The following CAMK2D variants were observed in gnomAD, a reference collection of about 807,000 sequenced individuals.
The protein encoded by CAMK2D is calcium/calmodulin dependent protein kinase II delta.
CAMK2D carries 37 observed loss-of-function variants against 84.0 expected under a neutral mutation model. The ratio of observed to expected loss-of-function variants is 0.44; its 90% confidence interval spans 0.34 to 0.58. The LOEUF is 0.58. Ranked by LOEUF, CAMK2D falls within the 20% of genes least tolerant of loss-of-function variation. The probability of loss-of-function intolerance (pLI) is 0.02; values close to 1 mark genes in which losing one functional copy is unlikely to be tolerated. For missense variants in CAMK2D, 448 were observed against 652.5 expected, an observed-to-expected ratio of 0.69 and a Z score of 3.41; for synonymous variants, 202 against 212.5, an observed-to-expected ratio of 0.95 and a Z score of 0.43.
intron 16 of CAMK2D, among the ~76,000 whole-genome samples, chr4:113,477,417 TTAGA>T (rs2097642907): frequency 6.6e-6 from 1 of 152,162 alleles, no homozygotes; most frequent in Admixed American, 6.6e-5. Context: ...TAAATTCAGC[TTAGA>T]TAATTAATTT....
Position 113,489,386 on chromosome 4 carries a change from G to A in CAMK2D, c.1135+11077C>T, listed in dbSNP as rs555024885. Among the ~76,000 whole-genome samples the A allele has an allele frequency of 6.8e-4, 67 of 98,656 alleles. 1 individual carries two copies. Among genetic ancestry groups the A allele is most frequent in the African/African-American group, 3.9e-3 (55 of 13,972 alleles). The allele number at this position is 98,656 out of a possible 152,430, so 64.7% of individuals were successfully genotyped here. A position where few individuals can be genotyped will look rare whatever the true frequency, so the allele number is the denominator to read the frequency against. The stretch of plus-strand genomic sequence containing the variant: ...TTCCCACCTATGAGTGAGAATATGC[G>A]GTGTTTGGTTTTTTTGTTCTTGCGA... On this transcript the variant is annotated intron_variant, in intron 16 of 20. Transcript: ENST00000511664.
intron 3 of CAMK2D, among the ~76,000 whole-genome samples, chr4:113,615,418 T>A (rs567786662): frequency 6.6e-6 from 1 of 152,142 alleles, no homozygotes; most frequent in Non-Finnish European, 1.5e-5. Context: ...CAACCATTAT[T>A]CTCCTGGCTT....
chr4:113,740,098 T>C (rs77323072), intron 2 of CAMK2D, among the ~76,000 whole-genome samples: 2,199 of 152,262 alleles, frequency 0.014, 49 homozygotes, highest in African/African-American at 0.05. Flanking sequence ...TCTCATAAAA[T>C]GTTTCCTTTG....
At chr4:113,660,539 A>G (rs1438961047) in intron 3 of CAMK2D, among the ~76,000 whole-genome samples, 3 of 152,030 alleles carry the variant, frequency 2.0e-5, no homozygotes, top group Non-Finnish European at 4.4e-5. Flanking sequence ...ATACATGCAC[A>G]CTACCACATC....
chr4:113,535,552 C>T (rs1473209942), intron 7 of CAMK2D, among the ~76,000 whole-genome samples: 1 of 152,138 alleles, frequency 6.6e-6, no homozygotes, highest in Non-Finnish European at 1.5e-5. Flanking sequence ...AATCCAAATC[C>T]TTCAAAAAAA....
intron 2 of CAMK2D, among the ~76,000 whole-genome samples, chr4:113,669,539 A>T (rs148274217): frequency 6.6e-6 from 1 of 152,164 alleles, no homozygotes; most frequent in Non-Finnish European, 1.5e-5. Flanking sequence ...AGATCAAGGA[A>T]GGAGATGGGC....
intron 16 of CAMK2D, among the ~76,000 whole-genome samples, chr4:113,480,022 C>T (rs113088555): frequency 0.022 from 3,341 of 152,144 alleles, 100 homozygotes; most frequent in African/African-American, 0.075. Flanking sequence ...GGTGCAGTGG[C>T]GGGATCTTGG....
At chr4:113,620,448 CCAAA>C (rs764515660) in intron 3 of CAMK2D, among the ~76,000 whole-genome samples, 8 of 151,986 alleles carry the variant, frequency 5.3e-5, no homozygotes, top group East Asian at 1.9e-4. Context: ...TAGGCATTAA[CCAAA>C]CAGTTATTCA....
intron 2 of CAMK2D, among the ~76,000 whole-genome samples, chr4:113,721,923 G>A (rs2099531742): frequency 6.6e-6 from 1 of 152,004 alleles, no homozygotes; most frequent in Admixed American, 6.6e-5. Flanking sequence ...AAACCTATTT[G>A]TTCTTCCCAC....
intron 4 of CAMK2D, among the ~76,000 whole-genome samples, chr4:113,556,972 A>G (rs1201723357): frequency 1.3e-5 from 2 of 152,172 alleles, no homozygotes; most frequent in African/African-American, 2.4e-5. Context: ...TATAAGCACC[A>G]CTTCATGATT....
chr4:113,557,214 A>G (rs940101050), intron 4 of CAMK2D, among the ~76,000 whole-genome samples: 1 of 151,814 alleles, frequency 6.6e-6, no homozygotes, highest in Non-Finnish European at 1.5e-5. Context: ...CTTGCCCCCC[A>G]GCCCCCATAT....
At chr4:113,538,481 C>CA (rs764039757) in intron 6 of CAMK2D, among the ~76,000 whole-genome samples, 26 of 152,020 alleles carry the variant, frequency 1.7e-4, no homozygotes, top group Non-Finnish European at 3.2e-4. Flanking sequence ...GGTTTGGGGA[C>CA]AAAACCCAGC....
intron 16 of CAMK2D, among the ~76,000 whole-genome samples, chr4:113,499,783 T>A (rs1448621357): frequency 6.6e-6 from 1 of 152,152 alleles, no homozygotes; most frequent in Non-Finnish European, 1.5e-5. Context: ...AAACTGCAAA[T>A]GCAATTGATA....
chr4:113,700,877 A>G (rs2099415619), intron 2 of CAMK2D, among the ~76,000 whole-genome samples: 1 of 152,206 alleles, frequency 6.6e-6, no homozygotes, highest in African/African-American at 2.4e-5. Context: ...CTCTTCAGGA[A>G]TAGACTAAGG....
intron 8 of CAMK2D, among the ~76,000 whole-genome samples, chr4:113,525,352 A>C (rs1001168977): frequency 2.0e-5 from 3 of 152,290 alleles, no homozygotes; most frequent in Admixed American, 6.5e-5. Context: ...ATTGTAGAAG[A>C]AGCTCTGTTA....
intron 2 of CAMK2D, among the ~76,000 whole-genome samples, chr4:113,757,761 C>T (rs1481963632): frequency 6.6e-6 from 1 of 152,108 alleles, no homozygotes; most frequent in African/African-American, 2.4e-5. Context: ...AAGATTCCAT[C>T]AGGCCAAAGA....
At chr4:113,736,378 T>C (rs551034176) in intron 2 of CAMK2D, among the ~76,000 whole-genome samples, 3 of 152,230 alleles carry the variant, frequency 2.0e-5, no homozygotes, top group South Asian at 2.1e-4. Flanking sequence ...AAATCAAAAC[T>C]GTGTATATCA....
intron 6 of CAMK2D, among the ~76,000 whole-genome samples, chr4:113,543,123 TTTGAA>T (rs1464393625): frequency 6.6e-6 from 1 of 152,230 alleles, no homozygotes; most frequent in East Asian, 1.9e-4. Flanking sequence ...AACACAGTTA[TTTGAA>T]AAAGCATAGC....
intron 2 of CAMK2D, among the ~76,000 whole-genome samples, chr4:113,712,116 A>G (rs2099495125): frequency 6.6e-6 from 1 of 152,150 alleles, no homozygotes; most frequent in Non-Finnish European, 1.5e-5. Flanking sequence ...TCTAAGTATC[A>G]TTTAGAGATA....
Sources: allele counts gnomAD v4.1 joint callset (sites outside exome capture counted in the v4.1 genomes callset), GRCh38; gene constraint gnomAD v4.1.1; transcripts MANE v1.5; gene names NCBI Gene and HGNC (gene_info 2026-07-23, HGNC 2026-07-21).